The following PCDHGA6 variants were observed in gnomAD, a reference collection of about 807,000 sequenced individuals.
The protein encoded by PCDHGA6 is protocadherin gamma-A6.
PCDHGA6 carries 41 observed loss-of-function variants against 60.6 expected under a neutral mutation model. The observed-to-expected ratio is 0.68, with a 90% confidence interval of 0.53 to 0.88. The LOEUF (loss-of-function observed/expected upper bound fraction) is 0.88, where lower values mean the gene tolerates loss of function less well. Among genes scored for constraint, PCDHGA6 ranks in the 40% least tolerant of loss-of-function variants. PCDHGA6 has a pLI of 0.00. For missense variants in PCDHGA6, 1,312 were observed against 1,203.0 expected, an observed-to-expected ratio of 1.09 and a Z score of -1.34; for synonymous variants, 594 against 524.4, an observed-to-expected ratio of 1.13 and a Z score of -1.81.
chr5:141,451,593 C>A (rs2098719809), intron 1 of PCDHGA6, among the ~76,000 whole-genome samples: 1 of 152,042 alleles, frequency 6.6e-6, no homozygotes, highest in African/African-American at 2.4e-5. Context: ...TTGAAAGTGA[C>A]ATACAAGGCT....
At position 141,489,314 on chromosome 5, in the gene PCDHGA6, G is replaced by C. The variant is rs374235290; in HGVS notation, c.2425-5493G>C. The stretch of plus-strand genomic sequence containing the variant: ...TGCATGTTGTCCTTGTGCTGCTGGG[G>C]CTGGGTGTCTGGGCAGCTTCGTTAC... On this transcript the variant is annotated intron_variant, in intron 1 of 3. Coordinates refer to ENST00000517434, the MANE Select transcript of PCDHGA6 (RefSeq NM_018919.3). This position sits in a 1 kb window ranked among gnomAD's most constrained non-coding sequence, Gnocchi z 4.5. 2 of 1,596,790 alleles carry C rather than the reference G, an allele frequency of 1.3e-6. No homozygotes were observed. The highest frequency in any genetic ancestry group is 2.2e-5 in the East Asian group (1 of 44,724).
intron 1 of PCDHGA6, chr5:141,427,320 G>GT: frequency 2.2e-6 from 1 of 457,086 alleles, no homozygotes; most frequent in Non-Finnish European, 4.4e-6. Context: ...CCCAGACGTG[G>GT]TTTTTACTTC....
intron 1 of PCDHGA6, chr5:141,382,604 A>G (rs746848430): frequency 2.6e-5 from 7 of 268,716 alleles, no homozygotes; most frequent in Non-Finnish European, 3.5e-5. Flanking sequence ...ACAATTTTCT[A>G]TGAAATCAGT....
In PCDHGA6 at chr5:141,490,963, G is replaced by GC; in HGVS notation, c.2425-3838dup. 6.2e-7 allele frequency: 1 copy of GC among 1,613,760 alleles called. No individual in the cohort carries two copies. On this transcript the variant is annotated intron_variant, in intron 1 of 3. Transcript: ENST00000517434. This position sits in a 1 kb window ranked among gnomAD's most constrained non-coding sequence, Gnocchi z 5.4. ...CCCACGGCCAGACTGGGAACACTCA[G>GC]CCCCCCAGCGTCTCCCTCGCTCTGC...
chr5:141,473,186 T>C (rs984810414), intron 1 of PCDHGA6, among the ~76,000 whole-genome samples: 1 of 152,134 alleles, frequency 6.6e-6, no homozygotes, highest in African/African-American at 2.4e-5. Flanking sequence ...CTTGAAGGAG[T>C]AAATGTATCT....
chr5:141,374,244 T>C lies in PCDHGA6; in HGVS notation c.161T>C (p.Leu54Pro). The change falls in exon 1 of 4, where the codon CTG (leucine) becomes CCG (proline). Residue 54 changes from leucine (L) to proline (P), a missense_variant. Leu to Pro is a moderately conservative substitution (Grantham distance 98). Transcript: ENST00000517434. ...FVGNIVKDLGLEPQELAEHGV... is the reference protein window; with the variant it reads ...FVGNIVKDLGPEPQELAEHGV... Reference sequence around the variant, plus strand: ...GGCAACATCGTCAAGGATCTGGGACTGGAGCCCCAGGAGTTGGCGGAGCAC... The same window carrying C: ...GGCAACATCGTCAAGGATCTGGGACCGGAGCCCCAGGAGTTGGCGGAGCAC... 1.9e-6 allele frequency: 3 copies of C among 1,613,992 alleles called. No homozygotes were observed. The highest frequency in any genetic ancestry group is 2.5e-6 in the Non-Finnish European group (3 of 1,179,872).
chr5:141,440,563 T>C (rs1048420758), intron 1 of PCDHGA6: 3 of 152,250 alleles, frequency 2.0e-5, no homozygotes, highest in Admixed American at 6.5e-5. Flanking sequence ...TTAAGTTACG[T>C]ATCTCTGAGT....
At chr5:141,508,681 C>T (rs970069) in intron 3 of PCDHGA6, among the ~76,000 whole-genome samples, 26,289 of 151,984 alleles carry the variant, frequency 0.17, 2,539 homozygotes, top group Admixed American at 0.29. Flanking sequence ...CTCCCTTCTC[C>T]CTGCTTCTCC....
At chr5:141,389,140 C>T in intron 1 of PCDHGA6, 3 of 1,613,996 alleles carry the variant, frequency 1.9e-6, no homozygotes, top group Non-Finnish European at 2.5e-6. Context: ...TACAATATAA[C>T]CGTTACGGCA....
chr5:141,419,831 G>A, intron 1 of PCDHGA6: 5 of 1,614,048 alleles, frequency 3.1e-6, no homozygotes, highest in Non-Finnish European at 4.2e-6. Context: ...TTCAGCCACT[G>A]CCACGCTGCA....
At chr5:141,387,637 G>A (rs1397986235) in intron 1 of PCDHGA6, 14 of 603,144 alleles carry the variant, frequency 2.3e-5, no homozygotes, top group Non-Finnish European at 3.7e-5. Context: ...GGGCGCCGCT[G>A]TTGGCCAAAG....
At chr5:141,388,697 G>T in intron 1 of PCDHGA6, 1 of 1,613,998 alleles carries the variant, frequency 6.2e-7, no homozygotes, top group South Asian at 1.1e-5. Flanking sequence ...ACCAGGATGA[G>T]GGTGTCAATG....
intron 1 of PCDHGA6, chr5:141,382,906 G>A (rs1778564792): frequency 6.5e-7 from 1 of 1,544,848 alleles, no homozygotes; most frequent in Non-Finnish European, 8.7e-7. Context: ...GACTATGGCG[G>A]CTCAGCCGAG....
intron 2 of PCDHGA6, among the ~76,000 whole-genome samples, chr5:141,502,866 C>CTTTTTT (rs549047197): frequency 2.0e-4 from 26 of 128,026 alleles, no homozygotes; most frequent in African/African-American, 6.2e-4. Flanking sequence ...GACTCTCTGT[C>CTTTTTT]TTTTTTTTTT....
intron 2 of PCDHGA6, among the ~76,000 whole-genome samples, chr5:141,498,436 A>G (rs566463876): frequency 6.6e-6 from 1 of 152,268 alleles, no homozygotes; most frequent in East Asian, 1.9e-4. Flanking sequence ...GGGGATGAAG[A>G]GGAGAGGTTC....
Position 141,432,076 on chromosome 5 carries a change from G to T in PCDHGA6, c.2424+55569G>T. ...CCCTATCCACGGAAACTCATATCTC[G>T]CTGAACGTGGCAGACACCAACGACA... On this transcript the variant is annotated intron_variant, in intron 1 of 3. Transcript: ENST00000517434. This position sits in a 1 kb window ranked among gnomAD's most constrained non-coding sequence, Gnocchi z 6.0. 1.2e-6 allele frequency: 2 copies of T among 1,614,160 alleles called. No homozygotes were observed. Among genetic ancestry groups the T allele is most frequent in the Non-Finnish European group, 1.7e-6 (2 of 1,180,024 alleles).
chr5:141,399,387 CACAG>C, intron 1 of PCDHGA6: 4 of 1,614,028 alleles, frequency 2.5e-6, no homozygotes, highest in Non-Finnish European at 2.5e-6. Context: ...CCATCACAGC[CACAG>C]ACAGGGGCAA....
intron 1 of PCDHGA6, chr5:141,404,457 C>A: frequency 1.2e-6 from 2 of 1,612,824 alleles, no homozygotes; most frequent in Non-Finnish European, 1.7e-6. Flanking sequence ...TCTCCTCTCT[C>A]CACCTATGTC....
chr5:141,394,249 C>G (rs1055429829), intron 1 of PCDHGA6: 2 of 1,613,964 alleles, frequency 1.2e-6, no homozygotes, highest in South Asian at 2.2e-5. Context: ...GCACACGACC[C>G]CGACAGCCAG....
Sources: gnomAD v4.1 joint callset for allele counts (sites outside exome capture counted in the v4.1 genomes callset) on GRCh38, gnomAD v4.1.1 for gene constraint, Gnocchi (gnomAD v3.1) non-coding constraint, MANE v1.5 for transcripts, NCBI Gene and HGNC (gene_info 2026-07-23, HGNC 2026-07-21) for gene names.